The following ADAMTS17 variants were observed in gnomAD, a reference collection of about 807,000 sequenced individuals.
ADAMTS17 encodes A disintegrin and metalloproteinase with thrombospondin motifs 17.
ADAMTS17 carries 113 observed loss-of-function variants against 141.5 expected under a neutral mutation model. That is an observed-to-expected ratio of 0.80 (90% CI 0.69 to 0.93). ADAMTS17 has a LOEUF of 0.93. ADAMTS17 is among the 40% of genes least tolerant of loss of function. ADAMTS17 has a pLI of 0.00. For missense variants in ADAMTS17, 1,659 were observed against 1,517.9 expected (o/e 1.09, Z -1.54); for synonymous variants, 768 against 630.6 (o/e 1.22, Z -3.27).
intron 7 of ADAMTS17, among the ~76,000 whole-genome samples, chr15:100,233,638 G>A (rs1377711382): frequency 2.0e-5 from 3 of 152,202 alleles, no homozygotes; most frequent in Non-Finnish European, 2.9e-5. Context: ...CACAGGCAAA[G>A]GACAGAGAAA....
intron 14 of ADAMTS17, 65 bp from the exon 15 acceptor site, chr15:100,096,541 C>T: frequency 1.2e-6 from 2 of 1,610,758 alleles, no homozygotes; most frequent in Non-Finnish European, 1.7e-6. Flanking sequence ...AGAGGCTGCC[C>T]TGCAAGGCTA....
intron 9 of ADAMTS17, 152 bp from the exon 10 acceptor site, chr15:100,152,914 T>C: frequency 2.0e-6 from 1 of 488,354 alleles, no homozygotes; most frequent in Non-Finnish European, 2.7e-6. Context: ...ACACACAGAC[T>C]GCGCTTTTTT....
At chr15:100,073,178 G>A (rs946076628) in intron 15 of ADAMTS17, among the ~76,000 whole-genome samples, 19 of 152,160 alleles carry the variant, frequency 1.2e-4, no homozygotes, top group African/African-American at 4.6e-4. Context: ...ACCATCAGTG[G>A]CCATCAGAGA....
intron 3 of ADAMTS17, among the ~76,000 whole-genome samples, chr15:100,286,523 C>T (rs866812993): frequency 6.6e-6 from 1 of 152,140 alleles, no homozygotes; most frequent in African/African-American, 2.4e-5. Context: ...AAACTCATAC[C>T]GGCACCTCAG....
Position 100,254,163 on chromosome 15 carries a change from G to A in ADAMTS17, c.1048C>T (p.His350Tyr), listed in dbSNP as rs377540510. Residue 350 changes from histidine to tyrosine, a missense_variant, in exon 7 of 22, where the codon CAC (histidine) becomes TAC (tyrosine). Transcript: ENST00000268070. ...VFVTRTDFCV[H>Y]KDEPCDTVGI... ...ACAGTGTCACACGGTTCATCCTTGT[G>A]TACACAGAAATCTGTCCTAAAAAAT... 2 of 1,613,042 alleles carry A rather than the reference G, an allele frequency of 1.2e-6. No homozygotes were observed. The highest frequency in any genetic ancestry group is 1.3e-5 in the African/African-American group (1 of 74,818).
intron 3 of ADAMTS17, among the ~76,000 whole-genome samples, chr15:100,316,988 C>T (rs2045585304): frequency 6.6e-6 from 1 of 152,186 alleles, no homozygotes; most frequent in Non-Finnish European, 1.5e-5. Context: ...GGTCATACAG[C>T]CTCCGGGGAA....
intron 15 of ADAMTS17, among the ~76,000 whole-genome samples, chr15:100,087,303 C>T (rs2035171476): frequency 6.6e-6 from 1 of 152,202 alleles, no homozygotes; most frequent in Non-Finnish European, 1.5e-5. Context: ...AGTTGAATCT[C>T]TGAATAGACC....
rs553814180 is a variant in ADAMTS17, at chr15:100,070,669, A to C, written c.2138-16615T>G. ...TGGGTACATAACGAAATGAAGGCAGAAATAAAGATGTTCTTTGACACCAAC... is the reference window on the plus strand; with the variant it reads ...TGGGTACATAACGAAATGAAGGCAGCAATAAAGATGTTCTTTGACACCAAC... On this transcript the variant is annotated intron_variant, in intron 15 of 21. Transcript: ENST00000268070. 7.7e-3 allele frequency among the ~76,000 whole-genome samples: 1,151 copies of C among 150,310 alleles called. 63 individuals are homozygous for C. Among genetic ancestry groups the C allele is most frequent in the African/African-American group, 0.027 (1,098 of 40,698 alleles).
At position 99,997,909 on chromosome 15, in the gene ADAMTS17, G is replaced by C. The variant is rs572738049; in HGVS notation, c.2592-320C>G. Among the ~76,000 whole-genome samples, 10 of 152,136 alleles carry C rather than the reference G, an allele frequency of 6.6e-5. No homozygotes were observed. Among genetic ancestry groups the C allele is most frequent in the Admixed American group, 1.3e-4 (2 of 15,270 alleles). On this transcript the variant is annotated intron_variant, in intron 18 of 21. Coordinates refer to ENST00000268070, the MANE Select transcript of ADAMTS17 (RefSeq NM_139057.4). The surrounding 1 kb of genome is among the most constrained non-coding windows in gnomAD (Gnocchi z 4.7). Reference sequence around the variant, plus strand: ...TGTCGTCATAGGACCTGCTTCTTTCGACAGGGTGTGAGTGAAGAGGATGCT... The same window carrying C: ...TGTCGTCATAGGACCTGCTTCTTTCCACAGGGTGTGAGTGAAGAGGATGCT...
Position 100,152,827 on chromosome 15 carries a change from C to CTTTT in ADAMTS17, c.1323-69_1323-66dup, listed in dbSNP as rs10664668. 466 of 1,422,242 alleles carry CTTTT rather than the reference C, an allele frequency of 3.3e-4. No homozygotes were observed. In the African/African-American group the frequency reaches 4.9e-3, roughly 15 times the overall value. 88.1% of individuals were successfully genotyped at this position (1,422,242 alleles called of 1,614,324 possible). Reference sequence around the variant, plus strand: ...GCCTAGGTTTTTTTGTTTTCTTTTTCTTTTTTTTTTTGAGTTTTCAGTCAC... The same window carrying CTTTT: ...GCCTAGGTTTTTTTGTTTTCTTTTTCTTTTTTTTTTTTTTTGAGTTTTCAGTCAC... On this transcript the variant is annotated intron_variant, in intron 9 of 21. Transcript: ENST00000268070.
intron 2 of ADAMTS17, among the ~76,000 whole-genome samples, chr15:100,335,044 C>T (rs904895976): frequency 2.0e-5 from 3 of 152,104 alleles, no homozygotes; most frequent in African/African-American, 7.2e-5. Context: ...CAGCCAGTGA[C>T]CCTCAGAGTG....
intron 8 of ADAMTS17, among the ~76,000 whole-genome samples, chr15:100,192,283 A>C (rs1163678057): frequency 6.6e-6 from 1 of 152,206 alleles, no homozygotes; most frequent in Non-Finnish European, 1.5e-5. Flanking sequence ...AGACTGCCTG[A>C]GGCCATGATT....
At chr15:100,255,621 C>CACACACACACACACACACAA (rs2043301537) in intron 6 of ADAMTS17, among the ~76,000 whole-genome samples, 1 of 151,564 alleles carries the variant, frequency 6.6e-6, no homozygotes, top group Non-Finnish European at 1.5e-5. Context: ...TTGAGCAACA[C>CACACACACACACACACACAA]ACACACACAC....
chr15:100,248,709 G>A (rs1403175145), intron 7 of ADAMTS17, among the ~76,000 whole-genome samples: 4 of 152,150 alleles, frequency 2.6e-5, no homozygotes, highest in African/African-American at 9.7e-5. Flanking sequence ...GAATTCCCAA[G>A]GGGGTCATCC....
At chr15:100,059,227 C>G (rs1198725255) in intron 15 of ADAMTS17, among the ~76,000 whole-genome samples, 1 of 152,250 alleles carries the variant, frequency 6.6e-6, no homozygotes, top group Non-Finnish European at 1.5e-5. Flanking sequence ...GGTTTGGGGT[C>G]AGCTCTCACA....
intron 10 of ADAMTS17, among the ~76,000 whole-genome samples, chr15:100,141,067 G>A (rs1230571816): frequency 1.3e-5 from 2 of 152,196 alleles, no homozygotes; most frequent in Admixed American, 6.5e-5. Context: ...GTCACAGTCC[G>A]TGCACATGGC....
chr15:100,186,724 A>G (rs2040731777), intron 8 of ADAMTS17, among the ~76,000 whole-genome samples: 1 of 152,122 alleles, frequency 6.6e-6, no homozygotes, highest in Non-Finnish European at 1.5e-5. Context: ...ATATTTCCCC[A>G]TCAGGAGGGC....
intron 12 of ADAMTS17, among the ~76,000 whole-genome samples, chr15:100,124,713 C>A (rs2037635255): frequency 6.6e-6 from 1 of 151,980 alleles, no homozygotes; most frequent in African/African-American, 2.4e-5. Flanking sequence ...ATTCTACCTT[C>A]ATAAGTTTGT....
Position 100,048,891 on chromosome 15 carries a change from C to T in ADAMTS17, c.2557G>A (p.Val853Ile), listed in dbSNP as rs1483869180. Residue 853 changes from valine to isoleucine, a missense_variant, in exon 18 of 22, where the codon GTC (valine) becomes ATC (isoleucine). Transcript: ENST00000268070. ...CAGGGGTGCAAGTTGCACCTTCGGA[C>T]CTGGGGCTCTGGGCGGCTTGCTTGA... Reference protein sequence around the residue: ...CPQASRPEPQVRRCNLHPCQS... With the variant: ...CPQASRPEPQIRRCNLHPCQS... 4 of 1,614,056 alleles carry T rather than the reference C, an allele frequency of 2.5e-6. No individual in the cohort carries two copies. The South Asian group carries it at 3.3e-5, about 13-fold the overall frequency.
Sources: gnomAD v4.1 joint callset for allele counts (sites outside exome capture counted in the v4.1 genomes callset) on GRCh38, gnomAD v4.1.1 for gene constraint, Gnocchi (gnomAD v3.1) non-coding constraint, MANE v1.5 for transcripts, NCBI Gene and HGNC (gene_info 2026-07-23, HGNC 2026-07-21) for gene names.